The following TMEM217 variants were observed in gnomAD, a reference collection of about 807,000 sequenced individuals.
The protein encoded by TMEM217 is transmembrane protein 217, also known as chromosome 6 open reading frame 128.
For missense variants in TMEM217, 204 were observed against 248.8 expected (o/e 0.82, Z 1.21); for synonymous variants, 76 against 88.3 (o/e 0.86, Z 0.78).
exon 2 of TMEM217, chr6:37,218,396 T>C (rs1244720523): frequency 1.3e-6 from 2 of 1,522,576 alleles, no homozygotes; most frequent in Non-Finnish European, 1.8e-6. Context: ...AGGCTGGTCT[T>C]GAACTCCTGA....
chr6:37,217,315 T>G (rs262942), downstream of TMEM217, among the ~76,000 whole-genome samples: 134,049 of 152,290 alleles, frequency 0.88, 59,234 homozygotes, highest in African/African-American at 0.96. Context: ...ATGTGCTTCA[T>G]ACAGTCTCTG....
chr6:37,256,338 C>G (rs964729889), intron 1 of TMEM217, among the ~76,000 whole-genome samples: 5 of 152,224 alleles, frequency 3.3e-5, no homozygotes, highest in Admixed American at 3.3e-4. Flanking sequence ...AAAGGTCTGG[C>G]TGTCCAGAAT....
At chr6:37,256,363 A>G (rs867930711) in intron 1 of TMEM217, among the ~76,000 whole-genome samples, 4 of 152,222 alleles carry the variant, frequency 2.6e-5, no homozygotes, top group Non-Finnish European at 5.9e-5. Flanking sequence ...ACAAAACATC[A>G]GCCTTAACAA....
At chr6:37,216,472 T>C (rs1222550802), downstream of TMEM217, among the ~76,000 whole-genome samples, 4 of 152,002 alleles carry the variant, frequency 2.6e-5, no homozygotes, top group African/African-American at 9.7e-5. Flanking sequence ...GTTGAGAGGC[T>C]ATGGAAGGAA....
At chr6:37,249,524 C>G (rs1765283897) in intron 1 of TMEM217, among the ~76,000 whole-genome samples, 1 of 152,046 alleles carries the variant, frequency 6.6e-6, no homozygotes, top group Non-Finnish European at 1.5e-5. Flanking sequence ...TTTCACCATG[C>G]TGGCCAAGCT....
chr6:37,229,335 G>GCTTTTT (rs762059062), intron 1 of TMEM217, among the ~76,000 whole-genome samples: 3 of 74,364 alleles, frequency 4.0e-5, no homozygotes, highest in African/African-American at 1.6e-4. Context: ...GCAACTTTCA[G>GCTTTTT]TTTTTTTTTT....
chr6:37,257,684 G>T (rs1409682601), exon 1 of TMEM217: 4 of 541,470 alleles, frequency 7.4e-6, no homozygotes, highest in African/African-American at 3.9e-5. Context: ...GGCTTCAGCG[G>T]CCTGCAGGAT....
intron 1 of TMEM217, among the ~76,000 whole-genome samples, chr6:37,231,279 A>G (rs1315108530): frequency 1.6e-5 from 2 of 128,190 alleles, no homozygotes; most frequent in East Asian, 4.8e-4. Context: ...CACGTTGGCC[A>G]GGCTGGTCTT....
chr6:37,252,301 C>T (rs1184044596), intron 1 of TMEM217, among the ~76,000 whole-genome samples: 1 of 152,064 alleles, frequency 6.6e-6, no homozygotes, highest in Non-Finnish European at 1.5e-5. Context: ...TTTATTATTA[C>T]ACAGCCCCGA....
chr6:37,239,515 A>T, intron 1 of TMEM217, among the ~76,000 whole-genome samples: 1 of 152,060 alleles, frequency 6.6e-6, no homozygotes, highest in Non-Finnish European at 1.5e-5. Context: ...TAAGTAAATA[A>T]AATTCTAAGA....
At chr6:37,222,919 T>C (rs73417839) in intron 1 of TMEM217, among the ~76,000 whole-genome samples, 5,768 of 152,244 alleles carry the variant, frequency 0.038, 307 homozygotes, top group African/African-American at 0.11. Flanking sequence ...CCACTGCCAT[T>C]ACTAGCTGAT....
At chr6:37,222,310 CCA>C (rs1423418221) in intron 1 of TMEM217, among the ~76,000 whole-genome samples, 1 of 152,232 alleles carries the variant, frequency 6.6e-6, no homozygotes, top group African/African-American at 2.4e-5. Context: ...CCTCCCGCTG[CCA>C]TCCATGGCCC....
chr6:37,221,052 T>A (rs938347287), intron 1 of TMEM217, among the ~76,000 whole-genome samples: 16 of 152,178 alleles, frequency 1.1e-4, no homozygotes, highest in Admixed American at 9.2e-4. Context: ...TCTAGAACTT[T>A]TTCATCTTGC....
At chr6:37,249,071 T>C (rs1765248639) in intron 1 of TMEM217, among the ~76,000 whole-genome samples, 1 of 152,158 alleles carries the variant, frequency 6.6e-6, no homozygotes, top group Non-Finnish European at 1.5e-5. Context: ...ACACTTGTCA[T>C]TGGATTTGAG....
At chr6:37,215,383 T>C (rs1763129330), downstream of TMEM217, 4 of 1,365,480 alleles carry the variant, frequency 2.9e-6, no homozygotes, top group East Asian at 1.2e-4. Flanking sequence ...AAGACCAGTC[T>C]AGCCAACATG....
exon 2 of TMEM217, chr6:37,218,493 T>C (rs1763343235): frequency 6.2e-7 from 1 of 1,614,114 alleles, no homozygotes; most frequent in Non-Finnish European, 8.5e-7. Flanking sequence ...GATAATCTTT[T>C]ATTTCTGCTG....
chr6:37,254,589 A>G (rs1272301388), intron 1 of TMEM217, among the ~76,000 whole-genome samples: 1 of 152,246 alleles, frequency 6.6e-6, no homozygotes, highest in African/African-American at 2.4e-5. Context: ...ACTAGGGGTT[A>G]GGAAACACTG....
downstream of TMEM217, chr6:37,212,645 C>T (rs987326645): frequency 9.2e-6 from 5 of 543,712 alleles, no homozygotes; most frequent in Admixed American, 2.2e-5. Flanking sequence ...TTGATGATCC[C>T]GTTGAGGAGC....
intron 1 of TMEM217, among the ~76,000 whole-genome samples, chr6:37,238,144 T>C (rs1185723780): frequency 1.4e-5 from 2 of 142,792 alleles, no homozygotes; most frequent in Non-Finnish European, 3.0e-5. Flanking sequence ...ATTGTATGTA[T>C]ATAAAGTAGA....
Sources: gnomAD v4.1 joint callset for allele counts (sites outside exome capture counted in the v4.1 genomes callset) on GRCh38, gnomAD v4.1.1 for gene constraint, MANE v1.5 for transcripts, NCBI Gene and HGNC (gene_info 2026-07-23, HGNC 2026-07-21) for gene names.